The following NAV3 variants were observed in gnomAD, a reference collection of about 807,000 sequenced individuals.
The protein encoded by NAV3 is neuron navigator 3.
A neutral mutation model predicts 244.7 loss-of-function variants in NAV3; 87 were observed. The observed-to-expected ratio is 0.36, with a 90% confidence interval of 0.30 to 0.42. The LOEUF is 0.42. Ranked by LOEUF, NAV3 falls within the 20% of genes least tolerant of loss-of-function variation. NAV3 has a pLI of 1.00. For missense variants in NAV3, 2,663 were observed against 2,893.3 expected, an observed-to-expected ratio of 0.92 and a Z score of 1.83; for synonymous variants, 1,126 against 1,042.2, an observed-to-expected ratio of 1.08 and a Z score of -1.55.
intron 1 of NAV3, among the ~76,000 whole-genome samples, chr12:77,856,424 G>A (rs139564490): frequency 2.6e-5 from 4 of 151,982 alleles, no homozygotes; most frequent in Non-Finnish European, 5.9e-5. Context: ...TTACACAGGA[G>A]GTCCACCCAA....
chr12:78,004,152 A>G (rs1873799748), intron 7 of NAV3, among the ~76,000 whole-genome samples: 1 of 152,208 alleles, frequency 6.6e-6, no homozygotes, highest in Admixed American at 6.5e-5. Flanking sequence ...ATTGAAAACA[A>G]ATTATCTTTC....
chr12:77,633,041 G>GA (rs539156483), intron 2 of NAV3, among the ~76,000 whole-genome samples: 1 of 152,026 alleles, frequency 6.6e-6, no homozygotes, highest in East Asian at 1.9e-4. Context: ...AGAGATAAAT[G>GA]AAAAAATGTT....
intron 1 of NAV3, among the ~76,000 whole-genome samples, chr12:77,870,920 A>C (rs1880852544): frequency 6.6e-6 from 1 of 152,234 alleles, no homozygotes; most frequent in Non-Finnish European, 1.5e-5. Context: ...TCTATCCTTA[A>C]AGTTTTCCTG....
chr12:77,721,533 A>T (rs1184450223), intron 2 of NAV3, among the ~76,000 whole-genome samples: 2 of 152,196 alleles, frequency 1.3e-5, no homozygotes, highest in African/African-American at 4.8e-5. Flanking sequence ...AATGTTTTAC[A>T]CTTAAATTAG....
intron 20 of NAV3, among the ~76,000 whole-genome samples, chr12:78,142,179 G>A (rs1424428764): frequency 6.6e-6 from 1 of 152,032 alleles, no homozygotes; most frequent in African/African-American, 2.4e-5. Flanking sequence ...TCCTAGATTT[G>A]ATCGTTACAC....
At position 78,092,500 on chromosome 12, in the gene NAV3, T is replaced by C. The variant is rs1001085286; in HGVS notation, c.2637-24272T>C. ...AAGCGTTAGTTATTTTCTTTTTTTT[T>C]TTTTTTTTTTTTTTTTTGAGATGGA... On this transcript the variant is annotated intron_variant, in intron 12 of 39. Transcript: ENST00000397909. 7.4e-5 allele frequency among the ~76,000 whole-genome samples: 10 copies of C among 134,906 alleles called. No homozygotes were observed. In the East Asian group the frequency reaches 1.7e-3, roughly 22 times the overall value. 88.5% of individuals were successfully genotyped at this position (134,906 alleles called of 152,430 possible).
At chr12:78,055,918 C>G (rs976948157) in intron 11 of NAV3, among the ~76,000 whole-genome samples, 1 of 152,142 alleles carries the variant, frequency 6.6e-6, no homozygotes, top group Non-Finnish European at 1.5e-5. Flanking sequence ...AGACTTTGTC[C>G]TTCTTATTTG....
chr12:77,979,722 A>AG (rs1183566958), intron 5 of NAV3, among the ~76,000 whole-genome samples: 1 of 151,130 alleles, frequency 6.6e-6, no homozygotes, highest in Non-Finnish European at 1.5e-5. Flanking sequence ...GAAAAAAAAA[A>AG]AAAAGCCTTC....
intron 1 of NAV3, among the ~76,000 whole-genome samples, chr12:77,858,023 C>A (rs1039862769): frequency 3.3e-5 from 5 of 151,980 alleles, no homozygotes; most frequent in African/African-American, 7.2e-5. Context: ...ATACTTTTTG[C>A]ATTTGAGACA....
intron 1 of NAV3, among the ~76,000 whole-genome samples, chr12:77,845,571 A>C (rs1340948005): frequency 6.6e-6 from 1 of 151,398 alleles, no homozygotes; most frequent in African/African-American, 2.4e-5. Context: ...TTTCTCATCT[A>C]TTGAAGTTTT....
At chr12:78,208,111 T>C (rs1960514975) in intron 39 of NAV3, among the ~76,000 whole-genome samples, 1 of 152,114 alleles carries the variant, frequency 6.6e-6, no homozygotes, top group Non-Finnish European at 1.5e-5. Context: ...AAGTCTAGGA[T>C]TGGGCAGCTG....
chr12:78,134,777 C>A (rs920099277), intron 18 of NAV3, among the ~76,000 whole-genome samples: 3 of 152,092 alleles, frequency 2.0e-5, no homozygotes, highest in African/African-American at 7.2e-5. Context: ...TTAATAATAT[C>A]ATAAAAACCC....
intron 8 of NAV3, among the ~76,000 whole-genome samples, chr12:78,014,795 A>G (rs1403265507): frequency 6.6e-6 from 1 of 152,118 alleles, no homozygotes; most frequent in African/African-American, 2.4e-5. Flanking sequence ...TCATTCAGGT[A>G]ATGCTTTTGT....
intron 2 of NAV3, among the ~76,000 whole-genome samples, chr12:77,596,894 A>G (rs1265212745): frequency 6.6e-6 from 1 of 152,068 alleles, no homozygotes; most frequent in Non-Finnish European, 1.5e-5. Flanking sequence ...AGTAAAGTAA[A>G]TTGGTATGGT....
At chr12:78,157,174 G>A (rs1957337921) in intron 22 of NAV3, among the ~76,000 whole-genome samples, 1 of 152,090 alleles carries the variant, frequency 6.6e-6, no homozygotes, top group Non-Finnish European at 1.5e-5. Context: ...GTGAATGCAT[G>A]AATGTTCACT....
chr12:77,667,667 C>A (rs11106195), intron 2 of NAV3, among the ~76,000 whole-genome samples: 1 of 152,020 alleles, frequency 6.6e-6, no homozygotes, highest in African/African-American at 2.4e-5. Context: ...TCTTTCTCTA[C>A]CCACTCTGGT....
At chr12:77,943,667 T>G (rs1311411792) in intron 3 of NAV3, among the ~76,000 whole-genome samples, 2 of 152,200 alleles carry the variant, frequency 1.3e-5, no homozygotes, top group African/African-American at 4.8e-5. Context: ...ATGTTGCCTG[T>G]TCCTTGATTG....
chr12:78,123,660 A>G (rs1203566756), intron 16 of NAV3, among the ~76,000 whole-genome samples: 2 of 152,198 alleles, frequency 1.3e-5, no homozygotes, highest in Non-Finnish European at 2.9e-5. Context: ...AACACTAACT[A>G]AAATATTGGT....
intron 12 of NAV3, among the ~76,000 whole-genome samples, chr12:78,109,850 G>A (rs1198678694): frequency 6.6e-6 from 1 of 151,858 alleles, no homozygotes; most frequent in African/African-American, 2.4e-5. Context: ...TACAGAATGG[G>A]GCAAAGTTTA....
Sources: allele counts gnomAD v4.1 joint callset (sites outside exome capture counted in the v4.1 genomes callset), GRCh38; gene constraint gnomAD v4.1.1; transcripts MANE v1.5; gene names NCBI Gene and HGNC (gene_info 2026-07-23, HGNC 2026-07-21).